Variants in MAN1C1 observed in about 807,000 individuals in gnomAD.
MAN1C1 encodes mannosyl-oligosaccharide 1,2-alpha-mannosidase IC.
A neutral mutation model predicts 71.5 loss-of-function variants in MAN1C1; 49 were observed. The ratio of observed to expected loss-of-function variants is 0.69; its 90% CI spans 0.54 to 0.87. MAN1C1 has a LOEUF of 0.87. MAN1C1 is among the 40% of genes least tolerant of loss of function. The pLI is 0.00. For synonymous variants in MAN1C1, 352 were observed against 343.7 expected, an observed-to-expected ratio of 1.02 and a Z score of -0.27; for missense variants, 743 against 835.0, an observed-to-expected ratio of 0.89 and a Z score of 1.36.
intron 2 of MAN1C1, among the ~76,000 whole-genome samples, chr1:25,739,463 C>A (rs1202436917): frequency 6.6e-6 from 1 of 151,992 alleles, no homozygotes; most frequent in East Asian, 1.9e-4. Context: ...ATAGGCTATG[C>A]CTTGGGTGAT....
At chr1:25,712,728 T>A (rs2046630084) in intron 2 of MAN1C1, among the ~76,000 whole-genome samples, 1 of 152,144 alleles carries the variant, frequency 6.6e-6, no homozygotes. Context: ...GCTTCAACCC[T>A]CCCTGGCTTA....
chr1:25,617,961 C>A lies in MAN1C1; in HGVS notation c.164C>A (p.Ala55Asp), dbSNP rs954426689. 1.2e-6 allele frequency: 2 copies of A among 1,607,790 alleles called. No individual in the cohort carries two copies. Among genetic ancestry groups the A allele is most frequent in the Non-Finnish European group, 1.7e-6 (2 of 1,177,840 alleles). The change falls in exon 1 of 12, where the codon GCC (alanine) becomes GAC (aspartate). Residue 55 changes from alanine (A) to aspartate (D), a missense_variant. Coordinates refer to ENST00000374332, the MANE Select transcript of MAN1C1 (RefSeq NM_020379.4). This position sits in a 1 kb window ranked among gnomAD's most constrained non-coding sequence, Gnocchi z 5.1. ...HSSRLKRLFLAPRTQQPGLEV... is the reference protein window; with the variant it reads ...HSSRLKRLFLDPRTQQPGLEV... ...TCTCGCCTCAAGCGCCTCTTCCTGG[C>A]CCCCCGGACCCAGCAGCCTGGTCTG...
chr1:25,619,421 A>G (rs1048952236), intron 1 of MAN1C1, among the ~76,000 whole-genome samples: 1 of 152,234 alleles, frequency 6.6e-6, no homozygotes, highest in African/African-American at 2.4e-5. Context: ...GCAGGCAGCA[A>G]GGATCAGGAC....
At chr1:25,691,734 T>G (rs1163448995) in intron 2 of MAN1C1, among the ~76,000 whole-genome samples, 1 of 152,110 alleles carries the variant, frequency 6.6e-6, no homozygotes, top group Admixed American at 6.5e-5. Context: ...ATGGCAGAAA[T>G]CTTGGGTGAG....
intron 7 of MAN1C1, among the ~76,000 whole-genome samples, chr1:25,768,492 C>G (rs1161003437): frequency 1.7e-5 from 2 of 115,832 alleles, no homozygotes; most frequent in Non-Finnish European, 3.6e-5. Context: ...CTCCCCCACA[C>G]AGACCCACAC....
intron 6 of MAN1C1, chr1:25,760,462 A>G (rs527541616): frequency 3.9e-5 from 6 of 152,106 alleles, no homozygotes; most frequent in East Asian, 3.9e-4. Flanking sequence ...TCATCCCCCA[A>G]TCATGCCTCC....
At chr1:25,706,096 C>A (rs781546919) in intron 2 of MAN1C1, among the ~76,000 whole-genome samples, 2 of 152,120 alleles carry the variant, frequency 1.3e-5, no homozygotes, top group Non-Finnish European at 2.9e-5. Context: ...GTATTGGAAC[C>A]CAAGCTCTCT....
intron 1 of MAN1C1, among the ~76,000 whole-genome samples, chr1:25,626,710 T>G (rs2045300076): frequency 6.6e-6 from 1 of 152,222 alleles, no homozygotes; most frequent in Non-Finnish European, 1.5e-5. Context: ...AAAACTTTTG[T>G]TCTTTTTTAA....
At chr1:25,728,484 G>A (rs2046864884) in intron 2 of MAN1C1, among the ~76,000 whole-genome samples, 1 of 152,184 alleles carries the variant, frequency 6.6e-6, no homozygotes, top group South Asian at 2.1e-4. Context: ...TGGCTGCTGT[G>A]ACAGATAAAC....
At position 25,618,028 on chromosome 1, in the gene MAN1C1, G is replaced by A. The variant is rs1446025966; in HGVS notation, c.231G>A (p.Glu77=). The change falls in exon 1 of 12, where the codon GAG becomes GAA. Residue 77 remains glutamate (E), a synonymous_variant. Coordinates refer to ENST00000374332, the MANE Select transcript of MAN1C1 (RefSeq NM_020379.4). The part of the protein sequence containing the change: ...AEIAGHAPAR[E]QEPPPNPAPA... ...TCGCCGGCCATGCCCCGGCCCGCGA[G>A]CAGGAGCCGCCTCCCAACCCGGCCC... 6.3e-7 allele frequency: 1 copy of A among 1,593,980 alleles called. No individual in the cohort carries two copies. Among genetic ancestry groups the A allele is most frequent in the Non-Finnish European group, 8.5e-7 (1 of 1,173,368 alleles).
At chr1:25,682,340 T>C (rs2046166639) in intron 1 of MAN1C1, among the ~76,000 whole-genome samples, 1 of 152,210 alleles carries the variant, frequency 6.6e-6, no homozygotes, top group South Asian at 2.1e-4. Flanking sequence ...CCTTACAGCA[T>C]GGAATGATAG....
chr1:25,737,325 C>T (rs117765445), intron 2 of MAN1C1, among the ~76,000 whole-genome samples: 3 of 152,238 alleles, frequency 2.0e-5, no homozygotes, highest in South Asian at 2.1e-4. Flanking sequence ...GGCAGCAAAG[C>T]GTGGCATCTG....
chr1:25,699,177 G>A (rs888109066), intron 2 of MAN1C1, among the ~76,000 whole-genome samples: 1 of 151,894 alleles, frequency 6.6e-6, no homozygotes, highest in Non-Finnish European at 1.5e-5. Flanking sequence ...GTACATGCCT[G>A]TAATCTCAGC....
chr1:25,750,193 C>A (rs2047195257), intron 4 of MAN1C1, among the ~76,000 whole-genome samples: 1 of 148,608 alleles, frequency 6.7e-6, no homozygotes, highest in South Asian at 2.2e-4. Context: ...AAGGGTGGGG[C>A]CCCAAGGCTG....
chr1:25,763,165 G>T (rs1329080058), intron 6 of MAN1C1, among the ~76,000 whole-genome samples: 3 of 152,168 alleles, frequency 2.0e-5, no homozygotes, highest in Non-Finnish European at 4.4e-5. Flanking sequence ...CTACTGAGGA[G>T]GCTGAGACGG....
chr1:25,781,204 G>A (rs1379394838), intron 10 of MAN1C1, 92 bp downstream of exon 10: 2 of 1,385,978 alleles, frequency 1.4e-6, no homozygotes, highest in South Asian at 2.6e-5. Flanking sequence ...GGCCTGGAGT[G>A]GAAGGCCAAG....
intron 1 of MAN1C1, among the ~76,000 whole-genome samples, chr1:25,642,660 A>T (rs764161156): frequency 6.6e-6 from 1 of 152,256 alleles, no homozygotes; most frequent in Non-Finnish European, 1.5e-5. Context: ...TTCTTTGGCT[A>T]ATACAGCATA....
intron 6 of MAN1C1, chr1:25,759,201 C>G (rs570643794): frequency 2.8e-4 from 50 of 180,508 alleles, no homozygotes; most frequent in African/African-American, 1.1e-3. Context: ...TGGCAGATGC[C>G]CTGACTGTTC....
chr1:25,638,474 C>T (rs906061324), intron 1 of MAN1C1, among the ~76,000 whole-genome samples: 7 of 152,216 alleles, frequency 4.6e-5, no homozygotes, highest in African/African-American at 1.7e-4. Context: ...TGACCATTTC[C>T]AATATTCTTC....
Sources: allele counts gnomAD v4.1 joint callset (sites outside exome capture counted in the v4.1 genomes callset), GRCh38; gene constraint gnomAD v4.1.1; non-coding constraint Gnocchi (gnomAD v3.1); transcripts MANE v1.5; gene names NCBI Gene and HGNC (gene_info 2026-07-23, HGNC 2026-07-21).